The following TTBK1 variants were observed in gnomAD, a reference collection of about 807,000 sequenced individuals.
TTBK1 encodes tau-tubulin kinase 1.
A neutral mutation model predicts 108.5 loss-of-function variants in TTBK1; 34 were observed. The observed-to-expected ratio is 0.31, with a 90% CI of 0.24 to 0.42. The LOEUF (loss-of-function observed/expected upper bound fraction) is 0.42, where lower values mean the gene tolerates loss of function less well. Ranked by LOEUF, TTBK1 falls within the 10% of genes least tolerant of loss-of-function variation. The probability of loss-of-function intolerance (pLI) is 1.00; values close to 1 mark genes in which losing one functional copy is unlikely to be tolerated. For synonymous variants in TTBK1, 809 were observed against 795.1 expected, an observed-to-expected ratio of 1.02 and a Z score of -0.29; for missense variants, 1,539 against 1,826.0, an observed-to-expected ratio of 0.84 and a Z score of 2.86.
intron 14 of TTBK1, 124 bp from the exon 15 acceptor site, chr6:43,284,859 G>A: frequency 7.3e-7 from 1 of 1,363,858 alleles, no homozygotes. Context: ...TCTGTGCCAT[G>A]GTCTCAGTCT....
chr6:43,275,777 C>G (rs1777966641), intron 13 of TTBK1, among the ~76,000 whole-genome samples: 3 of 152,044 alleles, frequency 2.0e-5, no homozygotes, highest in African/African-American at 7.2e-5. Context: ...AACATGCCCC[C>G]CCATTTCCAG....
At chr6:43,267,779 G>A (rs796670483) in intron 13 of TTBK1, among the ~76,000 whole-genome samples, 38 of 152,262 alleles carry the variant, frequency 2.5e-4, no homozygotes, top group Non-Finnish European at 5.3e-4. Context: ...TGCCTTTACC[G>A]GTTGTCTCTG....
rs1582477849 is a variant in TTBK1, at chr6:43,252,641, C to T, written c.109-98C>T. 5 of 1,402,004 alleles carry T rather than the reference C, an allele frequency of 3.6e-6. No individual in the cohort carries two copies. The Admixed American group carries it at 1.2e-4, about 32-fold the overall frequency. The allele number at this position is 1,402,004 out of a possible 1,614,324, so 86.8% of individuals were successfully genotyped here. A position where few individuals can be genotyped will look rare whatever the true frequency, so the allele number is the denominator to read the frequency against. ...CATCTCAAAAAAAAAAAAAGATACC[C>T]CCCTTCCCCACCAATGAAGGATGCA... On this transcript the variant is annotated intron_variant, in intron 2 of 14. Coordinates refer to ENST00000259750, the MANE Select transcript of TTBK1 (RefSeq NM_032538.3).
chr6:43,263,494 G>A lies in TTBK1; in HGVS notation c.1986+144G>A. The A allele has an allele frequency of 1.2e-6, 1 of 823,088 alleles. No homozygotes were observed. The highest frequency in any genetic ancestry group is 3.6e-5 in the South Asian group (1 of 28,128). 51.0% of individuals were successfully genotyped at this position (823,088 alleles called of 1,614,324 possible). ...GTGATGGAGGTAGACAGGCTTAAGG[G>A]TCTGAAACCATGTTTGAGGGGCAGG... On this transcript the variant is annotated intron_variant, in intron 13 of 14. Transcript: ENST00000259750. The surrounding 1 kb of genome is among the most constrained non-coding windows in gnomAD (Gnocchi z 4.7).
chr6:43,244,406 A>G (rs1003375095), intron 1 of TTBK1, among the ~76,000 whole-genome samples: 3 of 152,122 alleles, frequency 2.0e-5, no homozygotes, highest in African/African-American at 7.2e-5. Flanking sequence ...CCTGTGTACC[A>G]TCACTGGCCC....
chr6:43,270,310 G>A (rs1777794744), intron 13 of TTBK1: 2 of 1,082,342 alleles, frequency 1.8e-6, no homozygotes, highest in South Asian at 8.0e-5. Flanking sequence ...CAGGGCCAGA[G>A]GCACTCTGGT....
chr6:43,285,195 C>T lies in TTBK1; in HGVS notation c.3785C>T (p.Pro1262Leu), dbSNP rs574746821. The T allele has an allele frequency of 1.2e-5, 16 of 1,358,902 alleles. No individual in the cohort carries two copies. The highest frequency in any genetic ancestry group is 1.5e-5 in the African/African-American group (1 of 65,264). 84.2% of individuals were successfully genotyped at this position (1,358,902 alleles called of 1,614,324 possible). ...CTGTCCCGCAGAGAGAGCCCCTCCC[C>T]CTCGCACCAGGCCCGGCCCGGGGTC... ...QSLSRRESPS[P>L]SHQARPGVPP... The change falls in exon 15 of 15, where the codon CCC becomes CTC. Residue 1262 changes from proline to leucine, a missense_variant. Pro to Leu is a moderately conservative substitution (Grantham distance 98, BLOSUM62 -3). Coordinates refer to ENST00000259750, the MANE Select transcript of TTBK1 (RefSeq NM_032538.3). The surrounding 1 kb of genome is among the most constrained non-coding windows in gnomAD (Gnocchi z 4.7).
chr6:43,270,116 TCCCAC>T (rs1777788255), intron 13 of TTBK1: 1 of 1,379,694 alleles, frequency 7.2e-7, no homozygotes. Flanking sequence ...ACTGTAATAC[TCCCAC>T]CCCAAGCAGA....
chr6:43,269,853 C>T lies in TTBK1; in HGVS notation c.1986+6503C>T. 2.0e-6 allele frequency: 3 copies of T among 1,534,046 alleles called. No individual in the cohort carries two copies. The highest frequency in any genetic ancestry group is 1.7e-6 in the Non-Finnish European group (2 of 1,145,550). ...GCGGGCGCCCCACCGGCGCCACGCG[C>T]CCCTCGCTGCTGGCAACCACAGACT... On this transcript the variant is annotated intron_variant, in intron 13 of 14. Coordinates refer to ENST00000259750, the MANE Select transcript of TTBK1 (RefSeq NM_032538.3). This position sits in a 1 kb window ranked among gnomAD's most constrained non-coding sequence, Gnocchi z 4.8.
chr6:43,250,822 G>A (rs534585778), intron 2 of TTBK1, among the ~76,000 whole-genome samples: 54 of 152,158 alleles, frequency 3.5e-4, no homozygotes, highest in Non-Finnish European at 5.9e-4. Context: ...ACCAAGATGC[G>A]GTTTTCCCCT....
intron 8 of TTBK1, 27 bp downstream of exon 8, chr6:43,255,671 G>A (rs2150688117): frequency 6.2e-7 from 1 of 1,614,170 alleles, no homozygotes. Context: ...TGGGTCTGAG[G>A]TGGCAGAAGG....
intron 13 of TTBK1, among the ~76,000 whole-genome samples, chr6:43,266,782 G>T (rs961824279): frequency 6.6e-6 from 1 of 151,840 alleles, no homozygotes; most frequent in Non-Finnish European, 1.5e-5. Flanking sequence ...ACCACACCCG[G>T]CTAATTTTGT....
intron 2 of TTBK1, among the ~76,000 whole-genome samples, chr6:43,251,459 CTCT>C (rs1445042733): frequency 4.6e-5 from 7 of 152,304 alleles, no homozygotes. Flanking sequence ...AGTGGACCTC[CTCT>C]GAGATCATGT....
At chr6:43,247,212 GCCGCAC>G (rs1554184667) in intron 2 of TTBK1, among the ~76,000 whole-genome samples, 1 of 152,112 alleles carries the variant, frequency 6.6e-6, no homozygotes, top group Non-Finnish European at 1.5e-5. Context: ...GGCTGCTCCC[GCCGCAC>G]CCGCACTCCA....
Position 43,271,071 on chromosome 6 carries a change from C to T in TTBK1, c.1986+7721C>T, listed in dbSNP as rs750086747. 3 of 985,546 alleles carry T rather than the reference C, an allele frequency of 3.0e-6. 1 individual carries two copies. The highest frequency in any genetic ancestry group is 4.7e-5 in the South Asian group (1 of 21,290). 61.1% of individuals were successfully genotyped at this position (985,546 alleles called of 1,614,324 possible). ...CCCATTTCTCAGCCCCCAACCTTCA[C>T]TGCAGGGAGCCCAAGTTTCCCTTTA... On this transcript the variant is annotated intron_variant, in intron 13 of 14. Transcript: ENST00000259750.
chr6:43,277,656 G>A (rs1479407517), intron 13 of TTBK1, among the ~76,000 whole-genome samples: 3 of 152,208 alleles, frequency 2.0e-5, no homozygotes, highest in East Asian at 1.9e-4. Context: ...TACCCCTTCC[G>A]CCACCTTCCC....
intron 13 of TTBK1, among the ~76,000 whole-genome samples, chr6:43,275,925 CTCAGTGTCGA>C (rs1777973207): frequency 6.6e-6 from 1 of 152,096 alleles, no homozygotes; most frequent in African/African-American, 2.4e-5. Context: ...CCTCAGAGTT[CTCAGTGTCGA>C]GCGAGGAGAG....
chr6:43,284,367 C>T, intron 14 of TTBK1, 55 bp downstream of exon 14: 3 of 1,422,684 alleles, frequency 2.1e-6, no homozygotes, highest in Non-Finnish European at 2.7e-6. Flanking sequence ...AGGCCTCCAC[C>T]AGGAGGGGCT....
At chr6:43,255,920 A>T in intron 9 of TTBK1, 64 bp downstream of exon 9, 2 of 1,602,248 alleles carry the variant, frequency 1.2e-6, no homozygotes, top group Non-Finnish European at 1.7e-6. Flanking sequence ...GTCCCCCAGC[A>T]GACCTCGCTC....
Sources: gnomAD v4.1 joint callset for allele counts (sites outside exome capture counted in the v4.1 genomes callset) on GRCh38, gnomAD v4.1.1 for gene constraint, Gnocchi (gnomAD v3.1) non-coding constraint, MANE v1.5 for transcripts, NCBI Gene and HGNC (gene_info 2026-07-23, HGNC 2026-07-21) for gene names.